Variants in MALRD1 observed in about 807,000 individuals in gnomAD.
MALRD1 encodes MAM and LDL receptor class A domain containing 1.
A neutral mutation model predicts 242.1 loss-of-function variants in MALRD1; 247 were observed. The observed-to-expected ratio is 1.02, with a 90% CI of 0.92 to 1.13. The LOEUF is 1.13. Ranked by LOEUF, MALRD1 falls within the 50% of genes most tolerant of loss-of-function variation. MALRD1 has a pLI of 0.00. For missense variants in MALRD1, 2,989 were observed against 2,533.1 expected, an observed-to-expected ratio of 1.18 and a Z score of -3.86; for synonymous variants, 995 against 866.6, an observed-to-expected ratio of 1.15 and a Z score of -2.60.
At chr10:19,122,007 A>G (rs1837083247) in intron 5 of MALRD1, among the ~76,000 whole-genome samples, 1 of 152,210 alleles carries the variant, frequency 6.6e-6, no homozygotes, top group Non-Finnish European at 1.5e-5. Flanking sequence ...ATTGTGAACA[A>G]AGTGAAATCT....
chr10:19,240,596 GT>G (rs1554818391), intron 18 of MALRD1, among the ~76,000 whole-genome samples: 1 of 151,908 alleles, frequency 6.6e-6, no homozygotes, highest in Non-Finnish European at 1.5e-5. Context: ...CTGACCTCCA[GT>G]ACTATGCTAA....
intron 33 of MALRD1, 119 bp from the exon 34 acceptor site, chr10:19,595,075 A>G: frequency 9.8e-7 from 1 of 1,024,770 alleles, no homozygotes; most frequent in East Asian, 2.6e-5. Context: ...TTAGAAATTA[A>G]TTTACTTCAA....
intron 11 of MALRD1, among the ~76,000 whole-genome samples, chr10:19,146,785 C>T (rs372117247): frequency 7.2e-5 from 11 of 152,134 alleles, no homozygotes; most frequent in East Asian, 3.8e-4. Flanking sequence ...AATCAGTCTT[C>T]GGGCTTCTTT....
intron 18 of MALRD1, among the ~76,000 whole-genome samples, chr10:19,251,904 T>A (rs1268099660): frequency 6.6e-6 from 1 of 151,928 alleles, no homozygotes; most frequent in African/African-American, 2.4e-5. Flanking sequence ...TGTGTTGCAC[T>A]TTCCCCCTTT....
intron 13 of MALRD1, among the ~76,000 whole-genome samples, chr10:19,170,338 G>T (rs1834869007): frequency 6.6e-6 from 1 of 152,018 alleles, no homozygotes; most frequent in African/African-American, 2.4e-5. Context: ...TCTCAAGGTG[G>T]CACTTTTTCT....
chr10:19,400,147 G>T (rs1049668618), intron 28 of MALRD1, among the ~76,000 whole-genome samples: 2 of 152,118 alleles, frequency 1.3e-5, no homozygotes, highest in African/African-American at 4.8e-5. Context: ...AGTTTAAAGT[G>T]GGCTTAACTG....
At chr10:19,239,063 CTT>C (rs35623542) in intron 18 of MALRD1, among the ~76,000 whole-genome samples, 75 of 136,908 alleles carry the variant, frequency 5.5e-4, no homozygotes, top group Admixed American at 5.2e-4. Context: ...TTGTCCTTTT[CTT>C]TTTTTTTTTT....
intron 26 of MALRD1, among the ~76,000 whole-genome samples, chr10:19,370,166 C>G (rs1287962633): frequency 6.6e-6 from 1 of 151,940 alleles, no homozygotes; most frequent in African/African-American, 2.4e-5. Context: ...AATTATATAC[C>G]TGTAGATCTA....
intron 21 of MALRD1, among the ~76,000 whole-genome samples, chr10:19,320,759 A>G (rs1410325922): frequency 6.6e-6 from 1 of 152,036 alleles, no homozygotes; most frequent in African/African-American, 2.4e-5. Flanking sequence ...CTTTTTAATT[A>G]TCACCATTTT....
intron 29 of MALRD1, among the ~76,000 whole-genome samples, chr10:19,483,549 A>G (rs79255985): frequency 6.6e-6 from 1 of 152,194 alleles, no homozygotes; most frequent in Admixed American, 6.6e-5. Flanking sequence ...AATGTTCCAC[A>G]TCACCAGTCT....
chr10:19,706,232 GA>G (rs1308444241), intron 38 of MALRD1, among the ~76,000 whole-genome samples: 7 of 152,224 alleles, frequency 4.6e-5, no homozygotes, highest in Admixed American at 2.0e-4. Context: ...AAGGGAAACA[GA>G]TTACACTTAG....
intron 36 of MALRD1, among the ~76,000 whole-genome samples, chr10:19,689,807 G>C (rs1280321267): frequency 2.0e-5 from 3 of 152,036 alleles, no homozygotes; most frequent in Non-Finnish European, 4.4e-5. Context: ...TGTTATGCAG[G>C]AGGGGATAAT....
At chr10:19,061,873 A>C (rs1001544646) in intron 1 of MALRD1, among the ~76,000 whole-genome samples, 2 of 152,224 alleles carry the variant, frequency 1.3e-5, no homozygotes, top group African/African-American at 4.8e-5. Context: ...AGATGTGGTA[A>C]AGATTTATTC....
chr10:19,308,846 G>A (rs536443031), intron 21 of MALRD1, among the ~76,000 whole-genome samples: 1 of 151,626 alleles, frequency 6.6e-6, no homozygotes, highest in East Asian at 1.9e-4. Context: ...AGAAAGAAAT[G>A]CAGTTTAATC....
intron 21 of MALRD1, among the ~76,000 whole-genome samples, chr10:19,314,075 T>C (rs764187539): frequency 5.2e-4 from 79 of 151,714 alleles, no homozygotes; most frequent in Non-Finnish European, 9.6e-4. Context: ...CAGTTTTATT[T>C]AGCAACAGAT....
intron 28 of MALRD1, among the ~76,000 whole-genome samples, chr10:19,398,993 TA>T (rs1189083893): frequency 2.0e-5 from 3 of 152,214 alleles, no homozygotes; most frequent in Non-Finnish European, 4.4e-5. Context: ...TGAATTAATA[TA>T]GTGAGAGATT....
chr10:19,240,418 C>A (rs12253304), intron 18 of MALRD1, among the ~76,000 whole-genome samples: 32,718 of 151,646 alleles, frequency 0.22, 3,680 homozygotes, highest in Admixed American at 0.34. Context: ...ATAAGTATAT[C>A]TAGAAAGAAC....
intron 36 of MALRD1, among the ~76,000 whole-genome samples, chr10:19,637,780 A>G (rs973941725): frequency 1.3e-5 from 2 of 151,972 alleles, no homozygotes; most frequent in African/African-American, 4.8e-5. Flanking sequence ...AGGTGATCCT[A>G]GGGAGAGAGC....
chr10:19,240,275 T>C (rs547009394), intron 18 of MALRD1, among the ~76,000 whole-genome samples: 15 of 152,086 alleles, frequency 9.9e-5, no homozygotes, highest in Non-Finnish European at 1.8e-4. Flanking sequence ...TTGATGACTT[T>C]TTCAGATAGT....
Sources: gnomAD v4.1 joint callset for allele counts (sites outside exome capture counted in the v4.1 genomes callset) on GRCh38, gnomAD v4.1.1 for gene constraint, MANE v1.5 for transcripts, NCBI Gene and HGNC (gene_info 2026-07-23, HGNC 2026-07-21) for gene names.